The following GTPBP10 variants were observed in gnomAD, a reference collection of about 807,000 sequenced individuals.
The protein encoded by GTPBP10 is GTP binding protein 10.
A neutral mutation model predicts 44.8 loss-of-function variants in GTPBP10; 38 were observed. The observed-to-expected ratio is 0.85, with a 90% CI of 0.65 to 1.11. The LOEUF is 1.11. GTPBP10 is among the 50% of genes most tolerant of loss of function. The probability of loss-of-function intolerance (pLI) is 0.00; values close to 1 mark genes in which losing one functional copy is unlikely to be tolerated. For synonymous variants in GTPBP10, 152 were observed against 150.6 expected, an observed-to-expected ratio of 1.01 and a Z score of -0.07; for missense variants, 462 against 453.7, an observed-to-expected ratio of 1.02 and a Z score of -0.17.
intron 8 of GTPBP10, among the ~76,000 whole-genome samples, chr7:90,379,214 ATCCTCTT>A (rs1280277263): frequency 6.6e-6 from 1 of 152,118 alleles, no homozygotes; most frequent in Non-Finnish European, 1.5e-5. Flanking sequence ...TCTGAAATCC[ATCCTCTT>A]GTCTTTATCT....
rs17865972 is a variant in GTPBP10, at chr7:90,346,768, C to T, written c.27C>T (p.Phe9=). The change falls in exon 1 of 10, where the codon TTC becomes TTT. Residue 9 remains phenylalanine (F), a synonymous_variant. Transcript: ENST00000222511. ...TGGTGCATTGCAGTTGCGTGTTGTT[C>T]AGAAAGGTCCGTGCGGGTCCCCTCA... MVHCSCVL[F]RKYGNFIDKL... is the part of the protein sequence containing the mutation. 3.3e-5 allele frequency: 54 copies of T among 1,614,206 alleles called. No individual in the cohort carries two copies. The African/African-American group carries it at 6.9e-4, about 21-fold the overall frequency.
chr7:90,381,163 C>G (rs145526705), intron 8 of GTPBP10, among the ~76,000 whole-genome samples: 1 of 152,146 alleles, frequency 6.6e-6, no homozygotes, highest in East Asian at 1.9e-4. Flanking sequence ...GTGGGATTGC[C>G]GGATCATATG....
chr7:90,355,185 T>C lies in GTPBP10; in HGVS notation c.419T>C (p.Ile140Thr). 6.2e-7 allele frequency: 1 copy of C among 1,604,608 alleles called. No individual in the cohort carries two copies. Among genetic ancestry groups the C allele is most frequent in the Non-Finnish European group, 8.5e-7 (1 of 1,174,736 alleles). ...TTACCATTGAAAGGCCAGAAACGAATAATTCACCTTGATCTAAAACTTATA... is the reference window on the plus strand; with the variant it reads ...TTACCATTGAAAGGCCAGAAACGAACAATTCACCTTGATCTAAAACTTATA... The part of the protein sequence containing the change: ...NFLPLKGQKR[I>T]IHLDLKLIAD... Residue 140 changes from isoleucine (I) to threonine (T), a missense_variant, in exon 4 of 10, where the codon ATA becomes ACA. Ile to Thr is a moderately conservative substitution (Grantham distance 89). Transcript: ENST00000222511.
chr7:90,369,542 C>A (rs1230252130), intron 4 of GTPBP10, among the ~76,000 whole-genome samples: 2 of 152,228 alleles, frequency 1.3e-5, no homozygotes, highest in Middle Eastern at 6.3e-3. Context: ...CCTCCACCTG[C>A]CAAGCTGCAG....
intron 2 of GTPBP10, among the ~76,000 whole-genome samples, chr7:90,353,666 T>G (rs988409995): frequency 3.3e-5 from 5 of 152,206 alleles, no homozygotes; most frequent in Non-Finnish European, 7.3e-5. Context: ...TTTGATAAAT[T>G]CCCAGAAGTA....
chr7:90,376,411 G>T (rs143200294), intron 6 of GTPBP10, among the ~76,000 whole-genome samples: 1 of 152,110 alleles, frequency 6.6e-6, no homozygotes, highest in Non-Finnish European at 1.5e-5. Context: ...TACAACTTGG[G>T]TTTGTCGAGT....
chr7:90,376,815 T>G (rs149590686), intron 6 of GTPBP10, among the ~76,000 whole-genome samples: 213 of 152,378 alleles, frequency 1.4e-3, no homozygotes, highest in African/African-American at 4.4e-3. Flanking sequence ...GAGCTGTACC[T>G]GGTAAATGTC....
In GTPBP10 at chr7:90,352,819, G is replaced by C; in HGVS notation, c.37G>C (p.Gly13Arg). ...TTCTTTCTCTTTTTTTTTTAAGTAT[G>C]GAAATTTCATCGATAAGCTAAGACT... is the stretch of plus-strand genomic sequence containing the variant. The part of the protein sequence containing the change: ...HCSCVLFRKY[G>R]NFIDKLRLFT... Residue 13 changes from glycine to arginine, a missense_variant, in exon 2 of 10, where the codon GGA (glycine) becomes CGA (arginine). Coordinates refer to ENST00000222511, the MANE Select transcript of GTPBP10 (RefSeq NM_033107.4). 6.3e-7 allele frequency: 1 copy of C among 1,583,258 alleles called. No individual in the cohort carries two copies. The highest frequency in any genetic ancestry group is 8.6e-7 in the Non-Finnish European group (1 of 1,167,920).
intron 4 of GTPBP10, among the ~76,000 whole-genome samples, chr7:90,365,003 C>T (rs969656215): frequency 6.6e-6 from 1 of 152,154 alleles, no homozygotes; most frequent in Admixed American, 6.6e-5. Flanking sequence ...GTGGGAGTGA[C>T]CCGATTTTCC....
intron 4 of GTPBP10, among the ~76,000 whole-genome samples, chr7:90,364,197 G>C (rs901651629): frequency 6.6e-6 from 1 of 152,194 alleles, no homozygotes; most frequent in African/African-American, 2.4e-5. Flanking sequence ...TTCCTTTGGA[G>C]GGGGAGAGGT....
chr7:90,363,834 C>T (rs555799142), intron 4 of GTPBP10, among the ~76,000 whole-genome samples: 2 of 151,482 alleles, frequency 1.3e-5, no homozygotes, highest in African/African-American at 2.4e-5. Flanking sequence ...TTGTTCATTT[C>T]GTTTTACTCT....
chr7:90,354,433 C>T (rs374580822), intron 2 of GTPBP10, 25 bp from the exon 3 acceptor site: 36 of 1,238,396 alleles, frequency 2.9e-5, no homozygotes, highest in Non-Finnish European at 3.6e-5. Context: ...CACATACATA[C>T]ATATATATAC....
Position 90,377,406 on chromosome 7 carries a change from G to T in GTPBP10, c.592-101G>T, listed in dbSNP as rs565764407. On this transcript the variant is annotated intron_variant, in intron 6 of 9. Transcript: ENST00000222511. ...AGATGTAGTGGTAATCATAAGTTAG[G>T]AACTGTTTATATTTGAAATATCTTA... The T allele has an allele frequency of 8.7e-5, 59 of 677,082 alleles. No individual in the cohort carries two copies. In the African/African-American group the frequency reaches 1.0e-3, roughly 12 times the overall value. 41.9% of individuals were successfully genotyped at this position (677,082 alleles called of 1,614,324 possible).
At position 90,385,299 on chromosome 7, in the gene GTPBP10, T is replaced by G. The variant is rs115223124; in HGVS notation, c.*145T>G. Reference sequence around the variant, plus strand: ...GCTGCATAATCTCACTGTGGAATCTTAAGTTGAACTCATAGAAGGAGAGAA... The same window carrying G: ...GCTGCATAATCTCACTGTGGAATCTGAAGTTGAACTCATAGAAGGAGAGAA... On this transcript the variant is annotated 3_prime_UTR_variant, in exon 10 of 10. Coordinates refer to ENST00000222511, the MANE Select transcript of GTPBP10 (RefSeq NM_033107.4). 5.2e-4 allele frequency: 304 copies of G among 589,890 alleles called. No homozygotes were observed. The African/African-American group carries it at 5.2e-3, about 10-fold the overall frequency. The allele number at this position is 589,890 out of a possible 1,614,324, so 36.5% of individuals were successfully genotyped here. A position where few individuals can be genotyped will look rare whatever the true frequency, so the allele number is the denominator to read the frequency against.
intron 4 of GTPBP10, among the ~76,000 whole-genome samples, chr7:90,370,377 C>T (rs1462682593): frequency 6.6e-6 from 1 of 151,830 alleles, no homozygotes; most frequent in African/African-American, 2.4e-5. Flanking sequence ...TATACACACA[C>T]ACCATAGAAT....
intron 4 of GTPBP10, among the ~76,000 whole-genome samples, chr7:90,363,101 G>T (rs1318839382): frequency 6.6e-6 from 1 of 152,150 alleles, no homozygotes; most frequent in East Asian, 1.9e-4. Context: ...TTGCCAGTCT[G>T]TGTCTTTTAG....
chr7:90,361,313 A>G (rs1262162643), intron 4 of GTPBP10, among the ~76,000 whole-genome samples: 2 of 152,184 alleles, frequency 1.3e-5, no homozygotes, highest in South Asian at 2.1e-4. Context: ...CGTTCCATCA[A>G]TGCTGAATTT....
chr7:90,364,007 T>G (rs1440841895), intron 4 of GTPBP10, among the ~76,000 whole-genome samples: 1 of 152,246 alleles, frequency 6.6e-6, no homozygotes, highest in Admixed American at 6.5e-5. Flanking sequence ...AGAACTTCTC[T>G]GCATTGGCTA....
chr7:90,354,003 T>C (rs1795845097), intron 2 of GTPBP10, among the ~76,000 whole-genome samples: 1 of 151,976 alleles, frequency 6.6e-6, no homozygotes, highest in Non-Finnish European at 1.5e-5. Flanking sequence ...ATTTTTAAAT[T>C]TTTCTTTTTT....
Sources: gnomAD v4.1 joint callset for allele counts (sites outside exome capture counted in the v4.1 genomes callset) on GRCh38, gnomAD v4.1.1 for gene constraint, MANE v1.5 for transcripts, NCBI Gene and HGNC (gene_info 2026-07-23, HGNC 2026-07-21) for gene names.